Variants in KCNK10 observed in about 807,000 individuals in gnomAD.
The protein encoded by KCNK10 is potassium two pore domain channel subfamily K member 10.
KCNK10 carries 25 observed loss-of-function variants against 47.7 expected under a neutral mutation model. The ratio of observed to expected loss-of-function variants is 0.52; its 90% CI spans 0.38 to 0.73. The LOEUF is 0.73. KCNK10 is among the 30% of genes least tolerant of loss of function. The pLI, the probability that KCNK10 is intolerant of heterozygous loss-of-function variation, is 0.00. For missense variants in KCNK10, 563 were observed against 714.5 expected, an observed-to-expected ratio of 0.79 and a Z score of 2.42; for synonymous variants, 303 against 285.6, an observed-to-expected ratio of 1.06 and a Z score of -0.61.
chr14:88,245,573 G>C (rs1237675321), intron 2 of KCNK10, among the ~76,000 whole-genome samples: 2 of 152,130 alleles, frequency 1.3e-5, no homozygotes, highest in African/African-American at 4.8e-5. Context: ...TGCTGCACTG[G>C]GATGAATGAT....
chr14:88,291,992 A>C (rs1010829383), intron 1 of KCNK10, among the ~76,000 whole-genome samples: 1 of 152,208 alleles, frequency 6.6e-6, no homozygotes. Flanking sequence ...CGGGGGTGTC[A>C]TAAGAGACCA....
chr14:88,231,123 T>G (rs190181626), intron 3 of KCNK10, among the ~76,000 whole-genome samples: 2 of 149,670 alleles, frequency 1.3e-5, no homozygotes, highest in East Asian at 1.9e-4. Flanking sequence ...AAAAAAAAAT[T>G]TTTTTAATTA....
In KCNK10 at chr14:88,192,246, C is replaced by A; in HGVS notation, c.846G>T (p.Val282=). The A allele has an allele frequency of 6.2e-7, 1 of 1,613,390 alleles. No individual in the cohort carries two copies. Among genetic ancestry groups the A allele is most frequent in the Non-Finnish European group, 8.5e-7 (1 of 1,179,668 alleles). Residue 282 remains valine (V), a synonymous_variant, in exon 5 of 7, where the codon GTG becomes GTT. Coordinates refer to ENST00000319231, the MANE Select transcript of KCNK10 (RefSeq NM_138317.3). Reference sequence around the variant, plus strand: ...TACCTGCCACAAAATCACCAAAGCCCACCGTGGTCAGAGTGACCACCACAA... The same window carrying A: ...TACCTGCCACAAAATCACCAAAGCCAACCGTGGTCAGAGTGACCACCACAA... ...IYFVVVTLTT[V]GFGDFVAGGN... is the part of the protein sequence containing the mutation.
At chr14:88,262,162 T>C (rs1887129260) in intron 2 of KCNK10, among the ~76,000 whole-genome samples, 1 of 152,206 alleles carries the variant, frequency 6.6e-6, no homozygotes, top group Non-Finnish European at 1.5e-5. Flanking sequence ...AAAAGCTGTC[T>C]TTTCCATCCC....
intron 1 of KCNK10, among the ~76,000 whole-genome samples, chr14:88,273,898 A>G (rs965116214): frequency 4.6e-5 from 7 of 152,180 alleles, no homozygotes; most frequent in Non-Finnish European, 8.8e-5. Context: ...AAAGTAATAC[A>G]AGCAGTCATA....
At chr14:88,198,047 T>C (rs528430606) in intron 4 of KCNK10, among the ~76,000 whole-genome samples, 1 of 152,324 alleles carries the variant, frequency 6.6e-6, no homozygotes, top group East Asian at 1.9e-4. Flanking sequence ...TAATGACACC[T>C]AGGTGACCAA....
At chr14:88,204,850 G>C (rs1885215624) in intron 4 of KCNK10, among the ~76,000 whole-genome samples, 1 of 152,162 alleles carries the variant, frequency 6.6e-6, no homozygotes, top group Non-Finnish European at 1.5e-5. Flanking sequence ...TCCCATGCCA[G>C]AGTAGTGCAC....
intron 4 of KCNK10, among the ~76,000 whole-genome samples, chr14:88,205,542 C>CTTTTTTTTTTT (rs200265659): frequency 9.0e-4 from 104 of 115,750 alleles, no homozygotes; most frequent in Non-Finnish European, 1.3e-3. Context: ...CTTTTCTTTT[C>CTTTTTTTTTTT]TTTTTTTTTT....
chr14:88,306,226 A>G (rs1888200065), intron 1 of KCNK10, among the ~76,000 whole-genome samples: 1 of 152,156 alleles, frequency 6.6e-6, no homozygotes, highest in Admixed American at 6.6e-5. Flanking sequence ...CCTATACAAC[A>G]AGCACATAAC....
intron 1 of KCNK10, among the ~76,000 whole-genome samples, chr14:88,278,201 A>T (rs1222887822): frequency 6.6e-6 from 1 of 152,204 alleles, no homozygotes; most frequent in Non-Finnish European, 1.5e-5. Flanking sequence ...GAGAGCAAAC[A>T]GACCCTTACA....
rs1397026619 is a variant in KCNK10 at position 88,227,316 on chromosome 14, GTCAGGCTAAA to G, written c.681+49_681+58del. ...CCCCTGATACTGCCTCCTGGATCCTGTCAGGCTAAAGCCAACTGGATCACAGTGGTTAGAA... is the reference window on the plus strand; with the variant it reads ...CCCCTGATACTGCCTCCTGGATCCTGGCCAACTGGATCACAGTGGTTAGAA... On this transcript the variant is annotated intron_variant, in intron 4 of 6. Transcript: ENST00000319231. 3 of 1,393,464 alleles carry G rather than the reference GTCAGGCTAAA, an allele frequency of 2.2e-6. No homozygotes were observed. In the East Asian group the frequency reaches 7.2e-5, roughly 33 times the overall value. The allele number at this position is 1,393,464 out of a possible 1,614,324, so 86.3% of individuals were successfully genotyped here.
intron 2 of KCNK10, among the ~76,000 whole-genome samples, chr14:88,247,354 A>G (rs4904439): frequency 0.67 from 101,148 of 151,820 alleles, 34,197 homozygotes; most frequent in African/African-American, 0.79. Context: ...GAGTGGACAC[A>G]CCCCAATCAA....
At chr14:88,296,129 A>G (rs923164145) in intron 1 of KCNK10, among the ~76,000 whole-genome samples, 5 of 152,288 alleles carry the variant, frequency 3.3e-5, no homozygotes, top group Non-Finnish European at 7.3e-5. Context: ...GTAACTCTTC[A>G]TACTCTGGCC....
intron 4 of KCNK10, among the ~76,000 whole-genome samples, chr14:88,206,940 T>C (rs956726910): frequency 2.6e-5 from 4 of 152,192 alleles, no homozygotes; most frequent in African/African-American, 9.7e-5. Context: ...TTGTATACTG[T>C]ATTTAAGAAG....
chr14:88,201,614 CATGTA>C (rs1444074999), intron 4 of KCNK10, among the ~76,000 whole-genome samples: 6 of 151,656 alleles, frequency 4.0e-5, no homozygotes, highest in African/African-American at 9.7e-5. Flanking sequence ...GAGCCGAGAT[CATGTA>C]ACTGCACTCC....
chr14:88,239,565 A>G (rs1025749588), intron 3 of KCNK10, among the ~76,000 whole-genome samples: 11 of 152,240 alleles, frequency 7.2e-5, no homozygotes, highest in Non-Finnish European at 1.0e-4. Context: ...ATACTTATAA[A>G]GTTAACCCCT....
intron 4 of KCNK10, among the ~76,000 whole-genome samples, chr14:88,216,851 T>C (rs1885635965): frequency 6.6e-6 from 1 of 152,122 alleles, no homozygotes; most frequent in African/African-American, 2.4e-5. Flanking sequence ...ACCAGGGCCT[T>C]CTCTCTGATA....
At chr14:88,261,510 T>C (rs542943953) in intron 2 of KCNK10, among the ~76,000 whole-genome samples, 3 of 152,286 alleles carry the variant, frequency 2.0e-5, no homozygotes, top group South Asian at 2.1e-4. Context: ...CCCAGCACTT[T>C]AGGAGGCCAA....
chr14:88,246,365 A>G (rs1015692861), intron 2 of KCNK10, among the ~76,000 whole-genome samples: 1 of 152,084 alleles, frequency 6.6e-6, no homozygotes, highest in Middle Eastern at 3.4e-3. Context: ...GACCACATTC[A>G]TTACTACTCA....
Sources: gnomAD v4.1 joint callset for allele counts (sites outside exome capture counted in the v4.1 genomes callset) on GRCh38, gnomAD v4.1.1 for gene constraint, MANE v1.5 for transcripts, NCBI Gene and HGNC (gene_info 2026-07-23, HGNC 2026-07-21) for gene names.